The following PGM1 variants were observed in gnomAD, a reference collection of about 807,000 sequenced individuals.
PGM1 encodes the protein phosphoglucomutase-1.
PGM1 carries 52 observed loss-of-function variants against 55.6 expected under a neutral mutation model. That is an observed-to-expected ratio of 0.94 (90% CI 0.75 to 1.18). PGM1 has a LOEUF of 1.18. Among genes scored for constraint, PGM1 ranks in the 50% most tolerant of loss-of-function variants. The pLI is 0.00. For synonymous variants in PGM1, 287 were observed against 271.7 expected (o/e 1.06, Z -0.55); for missense variants, 724 against 729.3 (o/e 0.99, Z 0.08).
chr1:63,653,752 G>A (rs1423389292), intron 9 of PGM1, among the ~76,000 whole-genome samples: 1 of 152,198 alleles, frequency 6.6e-6, no homozygotes, highest in African/African-American at 2.4e-5. Flanking sequence ...CACGGACCTC[G>A]CTTTGGGTCC....
intron 1 of PGM1, among the ~76,000 whole-genome samples, chr1:63,610,233 T>C (rs1304140306): frequency 6.6e-6 from 1 of 152,176 alleles, no homozygotes; most frequent in Non-Finnish European, 1.5e-5. Flanking sequence ...ATATGAATTA[T>C]TTGGTTGTTT....
At chr1:63,602,484 G>T (rs1163322853) in intron 1 of PGM1, among the ~76,000 whole-genome samples, 1 of 152,218 alleles carries the variant, frequency 6.6e-6, no homozygotes, top group African/African-American at 2.4e-5. Context: ...TGCTTTGAGT[G>T]TGATTGATTC....
intron 7 of PGM1, among the ~76,000 whole-genome samples, chr1:63,643,272 T>C (rs951865675): frequency 5.3e-5 from 8 of 152,232 alleles, no homozygotes; most frequent in Admixed American, 3.3e-4. Context: ...CTCACCTGTA[T>C]GTCTGTGCTC....
chr1:63,647,213 A>G (rs2100997135), intron 7 of PGM1, among the ~76,000 whole-genome samples: 1 of 146,568 alleles, frequency 6.8e-6, no homozygotes, highest in African/African-American at 2.5e-5. Context: ...ACTTTACTCC[A>G]GCCTGGGCGA....
chr1:63,617,128 G>A lies in PGM1; in HGVS notation c.247-12297G>A, dbSNP rs116557438. On this transcript the variant is annotated intron_variant, in intron 1 of 10. Transcript: ENST00000371084. ...CAAAGAGCCTACATCCCTTGCCCACGGTCCCCTAGTCAGAAAATGGTACTC... is the reference window on the plus strand; with the variant it reads ...CAAAGAGCCTACATCCCTTGCCCACAGTCCCCTAGTCAGAAAATGGTACTC... Among the ~76,000 whole-genome samples the A allele has an allele frequency of 7.0e-4, 106 of 152,234 alleles. 1 individual carries two copies. The highest frequency in any genetic ancestry group is 1.7e-3 in the African/African-American group (70 of 41,540).
At chr1:63,593,968 G>T in intron 1 of PGM1, 1 of 1,197,842 alleles carries the variant, frequency 8.3e-7, no homozygotes, top group Non-Finnish European at 1.0e-6. Flanking sequence ...TGACTCCCGG[G>T]GCGCCGGGAG....
rs61737416 is a variant in PGM1, at chr1:63,654,367, C to T, written c.1500C>T (p.Ile500=). The T allele has an allele frequency of 2.6e-3, 4,257 of 1,613,978 alleles. 105 individuals carry two copies. In the African/African-American group the frequency reaches 0.051, roughly 19 times the overall value. The stretch of plus-strand genomic sequence containing the variant: ...TCATTTTCACAGATGGTTCTCGAAT[C>T]GTCTTCCGACTGAGCGGCACTGGGA... The part of the protein sequence containing the change: ...LRLIFTDGSR[I]VFRLSGTGSA... The change falls in exon 10 of 11, where the codon ATC becomes ATT. Residue 500 remains isoleucine (I), a synonymous_variant. Coordinates refer to ENST00000371084, the MANE Select transcript of PGM1 (RefSeq NM_002633.3).
At chr1:63,612,127 C>T (rs1286265883) in intron 1 of PGM1, among the ~76,000 whole-genome samples, 3 of 151,800 alleles carry the variant, frequency 2.0e-5, no homozygotes, top group Non-Finnish European at 2.9e-5. Context: ...CATGGTGGCG[C>T]GTGCCTGTAA....
intron 1 of PGM1, among the ~76,000 whole-genome samples, chr1:63,594,921 A>G (rs1438393157): frequency 6.9e-6 from 1 of 144,740 alleles, no homozygotes; most frequent in Admixed American, 7.3e-5. Flanking sequence ...AGATCCCGCC[A>G]CTGCACTCTA....
In PGM1 at chr1:63,594,280, CT is replaced by C. The variant is rs3216690; in HGVS notation, c.246+547del. 45,166 of 269,658 alleles carry C rather than the reference CT, an allele frequency of 0.17. 4,285 individuals are homozygous for C. Among genetic ancestry groups the C allele is most frequent in the African/African-American group, 0.28 (12,057 of 43,574 alleles). 16.7% of individuals were successfully genotyped at this position (269,658 alleles called of 1,614,324 possible). A position where few individuals can be genotyped will look rare whatever the true frequency, so the allele number is the denominator to read the frequency against. On this transcript the variant is annotated intron_variant, in intron 1 of 10. Transcript: ENST00000371084. The stretch of plus-strand genomic sequence containing the variant: ...AAGGGTGGCGAGAGCACCCATCCCC[CT>C]GGGGCGTCAGGTTGGCAGATCTCAG...
Position 63,633,100 on chromosome 1 carries a change from T to G in PGM1, c.682+1318T>G, listed in dbSNP as rs551054904. ...GAGTTGGAATTTCAAGTATTCTCTT[T>G]GGGGTTGGAAGAAGGCATAATTTGA... On this transcript the variant is annotated intron_variant, in intron 4 of 10. Transcript: ENST00000371084. 4.9e-4 allele frequency among the ~76,000 whole-genome samples: 75 copies of G among 152,286 alleles called. 3 individuals carry two copies. The South Asian group carries it at 0.015, about 31-fold the overall frequency.
At chr1:63,612,131 C>G (rs1207392348) in intron 1 of PGM1, among the ~76,000 whole-genome samples, 4 of 151,904 alleles carry the variant, frequency 2.6e-5, no homozygotes, top group African/African-American at 9.7e-5. Context: ...GTGGCGCGTG[C>G]CTGTAATCCC....
chr1:63,641,855 T>A lies in PGM1; in HGVS notation c.1144+3055T>A, dbSNP rs571319535. On this transcript the variant is annotated intron_variant, in intron 7 of 10. Transcript: ENST00000371084. ...CATAGAACAGGTGCTCAGTAAACGC[T>A]TGTTGAATGAGTTCATGAACACTAT... is the stretch of plus-strand genomic sequence containing the variant. Among the ~76,000 whole-genome samples the A allele has an allele frequency of 5.3e-5, 8 of 152,378 alleles. No homozygotes were observed. The East Asian group carries it at 1.3e-3, about 26-fold the overall frequency.
intron 1 of PGM1, among the ~76,000 whole-genome samples, chr1:63,603,348 G>T (rs1648295957): frequency 6.6e-6 from 1 of 152,152 alleles, no homozygotes; most frequent in Non-Finnish European, 1.5e-5. Context: ...TGCTAATCTG[G>T]GCAGTTTTAA....
intron 8 of PGM1, 84 bp from the exon 9 acceptor site, chr1:63,651,584 AC>A: frequency 7.5e-7 from 1 of 1,331,038 alleles, no homozygotes; most frequent in South Asian, 1.3e-5. Flanking sequence ...GGAGGGCCAA[AC>A]AAATGATGAA....
At chr1:63,658,621 G>T (rs71645547) in intron 10 of PGM1, among the ~76,000 whole-genome samples, 5 of 151,920 alleles carry the variant, frequency 3.3e-5, no homozygotes, top group Non-Finnish European at 4.4e-5. Context: ...GCGTGGTGGC[G>T]CATGCCTGTA....
Position 63,648,632 on chromosome 1 carries a change from T to C in PGM1, c.1260T>C (p.Tyr420=), listed in dbSNP as rs1417976717. 6.2e-7 allele frequency: 1 copy of C among 1,614,070 alleles called. No homozygotes were observed. The highest frequency in any genetic ancestry group is 8.5e-7 in the Non-Finnish European group (1 of 1,180,002). Residue 420 remains tyrosine (Y), a synonymous_variant, in exon 8 of 11, where the codon TAT becomes TAC. Transcript: ENST00000371084. ...TTCTCAAAGATCATTGGCAAAAGTA[T>C]GGCCGGAATTTCTTCACCAGGTGAG... ...EDILKDHWQK[Y]GRNFFTRYDY...
chr1:63,654,608 C>A, intron 10 of PGM1, 142 bp downstream of exon 10: 1 of 758,980 alleles, frequency 1.3e-6, no homozygotes, highest in Non-Finnish European at 2.2e-6. Flanking sequence ...GTTTCTTTCT[C>A]CATGTCAACA....
At chr1:63,633,731 A>G (rs1253719448) in intron 4 of PGM1, among the ~76,000 whole-genome samples, 1 of 150,250 alleles carries the variant, frequency 6.7e-6, no homozygotes, top group African/African-American at 2.4e-5. Context: ...GCAGTGGTGC[A>G]ATCTCAGCTC....
Sources: allele counts gnomAD v4.1 joint callset (sites outside exome capture counted in the v4.1 genomes callset), GRCh38; gene constraint gnomAD v4.1.1; transcripts MANE v1.5; gene names NCBI Gene and HGNC (gene_info 2026-07-23, HGNC 2026-07-21).